The following FCHO1 variants were observed in gnomAD, a reference collection of about 807,000 sequenced individuals.
FCHO1 encodes FCH and mu domain containing endocytic adaptor 1.
In FCHO1, 45 loss-of-function variants were observed where a neutral mutation model predicts 114.4. The ratio of observed to expected loss-of-function variants is 0.39; its 90% confidence interval spans 0.31 to 0.50. The LOEUF is 0.50. FCHO1 is among the 20% of genes least tolerant of loss of function. FCHO1 has a pLI of 0.77. For synonymous variants in FCHO1, 480 were observed against 488.9 expected, an observed-to-expected ratio of 0.98 and a Z score of 0.24; for missense variants, 1,042 against 1,209.6, an observed-to-expected ratio of 0.86 and a Z score of 2.06.
At chr19:17,754,144 G>C (rs1206789103) in intron 1 of FCHO1, 173 bp from the exon 2 acceptor site, 1 of 152,214 alleles carries the variant, frequency 6.6e-6, no homozygotes, top group Admixed American at 6.5e-5. Context: ...CTGCCTGTGG[G>C]GTCATGAATT....
At position 17,770,592 on chromosome 19, in the gene FCHO1, G is replaced by C. The variant is rs914852424; in HGVS notation, c.489+15G>C. ...AGATGGACAAGGTGGGCTCACAGTG[G>C]GGGGGTTCTGAGGAATTTGCCGCGG... On this transcript the variant is annotated intron_variant, in intron 8 of 28. Transcript: ENST00000596536. 4.4e-6 allele frequency: 7 copies of C among 1,606,916 alleles called. No individual in the cohort carries two copies. The highest frequency in any genetic ancestry group is 4.5e-5 in the East Asian group (2 of 44,716).
At chr19:17,772,622 C>A in intron 10 of FCHO1, 23 bp from the exon 11 acceptor site, 1 of 1,613,716 alleles carries the variant, frequency 6.2e-7, no homozygotes, top group South Asian at 1.1e-5. Flanking sequence ...TGACCAGTTA[C>A]ACACCCCGCC....
In FCHO1 at chr19:17,764,370, C is replaced by T; in HGVS notation, c.120-5C>T. On this transcript the variant is annotated splice_region_variant and splice_polypyrimidine_tract_variant and intron_variant, in intron 5 of 28. Coordinates refer to ENST00000596536, the MANE Select transcript of FCHO1 (RefSeq NM_015122.3). ...TCTCCATCTTTACCTCATTCTCCTCCCCAGGGCCACCATCGAGGAGACCTA... is the reference window on the plus strand; with the variant it reads ...TCTCCATCTTTACCTCATTCTCCTCTCCAGGGCCACCATCGAGGAGACCTA... 6.2e-7 allele frequency: 1 copy of T among 1,613,608 alleles called. No individual in the cohort carries two copies. The highest frequency in any genetic ancestry group is 8.5e-7 in the Non-Finnish European group (1 of 1,179,900).
chr19:17,758,989 T>C (rs2084937720), intron 4 of FCHO1, among the ~76,000 whole-genome samples: 1 of 151,844 alleles, frequency 6.6e-6, no homozygotes, highest in Non-Finnish European at 1.5e-5. Context: ...TAGAAAAATA[T>C]GTATAACATT....
At chr19:17,781,879 G>C in intron 23 of FCHO1, 59 bp downstream of exon 23, 1 of 1,183,582 alleles carries the variant, frequency 8.4e-7, no homozygotes. Flanking sequence ...AGTCCAGCAG[G>C]GACAGCTTTC....
At chr19:17,750,273 CTT>C (rs1296687030), upstream of FCHO1, among the ~76,000 whole-genome samples, 4 of 152,112 alleles carry the variant, frequency 2.6e-5, no homozygotes, top group Non-Finnish European at 5.9e-5. Context: ...GCAGGGCTGA[CTT>C]CTCCATCAGA....
chr19:17,760,562 A>G (rs2085723441), intron 4 of FCHO1, among the ~76,000 whole-genome samples: 1 of 152,212 alleles, frequency 6.6e-6, no homozygotes, highest in Admixed American at 6.5e-5. Context: ...CAAATTTAAA[A>G]CAAATGCTAA....
rs751095231 is a variant in FCHO1 at position 17,778,671 on chromosome 19, G to C, written c.1414G>C (p.Val472Leu). 4 of 1,571,060 alleles carry C rather than the reference G, an allele frequency of 2.5e-6. No individual in the cohort carries two copies. In the South Asian group the frequency reaches 4.6e-5, roughly 18 times the overall value. ...SPFSSSSPEN[V>L]EDSGLDSPSH... is the part of the protein sequence containing the mutation. Reference sequence around the variant, plus strand: ...TTTCTCCTCCTCGTCGCCCGAAAACGTGGAGGATTCCGGCCTGGACTCTCC... The same window carrying C: ...TTTCTCCTCCTCGTCGCCCGAAAACCTGGAGGATTCCGGCCTGGACTCTCC... The change falls in exon 20 of 29, where the codon GTG becomes CTG. Residue 472 changes from valine to leucine, a missense_variant. This residue lies in a region of FCHO1 where 455 missense variants were observed against 455.4 expected (regional missense o/e 1.00). Coordinates refer to ENST00000596536, the MANE Select transcript of FCHO1 (RefSeq NM_015122.3).
In FCHO1 at chr19:17,775,318, G is replaced by A; in HGVS notation, c.946-138G>A. The A allele has an allele frequency of 1.1e-6, 1 of 929,416 alleles. No homozygotes were observed. The highest frequency in any genetic ancestry group is 1.7e-6 in the Non-Finnish European group (1 of 572,592). The allele number at this position is 929,416 out of a possible 1,614,324, so 57.6% of individuals were successfully genotyped here. Reference sequence around the variant, plus strand: ...CCAGGAACCTGCCCACACACCCAGGGAAGACAGTCGTTGCCATCAGGGTTG... The same window carrying A: ...CCAGGAACCTGCCCACACACCCAGGAAAGACAGTCGTTGCCATCAGGGTTG... On this transcript the variant is annotated intron_variant, in intron 14 of 28. Transcript: ENST00000596536. The surrounding 1 kb of genome is among the most constrained non-coding windows in gnomAD (Gnocchi z 5.1).
intron 11 of FCHO1, among the ~76,000 whole-genome samples, chr19:17,773,366 A>G (rs1202797044): frequency 1.3e-5 from 2 of 152,212 alleles, no homozygotes; most frequent in Non-Finnish European, 2.9e-5. Context: ...GGCACACAGT[A>G]GGCACTCACT....
In FCHO1 at chr19:17,778,652, C is replaced by T. The variant is rs775126716; in HGVS notation, c.1395C>T (p.Ser465=). ...LGFTSSPSPF[S]SSSPENVEDS... ...TCACCTCCAGCCCCTCCCCTTTCTC[C>T]TCCTCGTCGCCCGAAAACGTGGAGG... is the stretch of plus-strand genomic sequence containing the variant. Residue 465 remains serine (S), a synonymous_variant, in exon 20 of 29, where the codon TCC becomes TCT. Coordinates refer to ENST00000596536, the MANE Select transcript of FCHO1 (RefSeq NM_015122.3). 10 of 1,576,654 alleles carry T rather than the reference C, an allele frequency of 6.3e-6. No homozygotes were observed. Among genetic ancestry groups the T allele is most frequent in the Non-Finnish European group, 8.6e-6 (10 of 1,165,124 alleles).
chr19:17,748,933 C>T (rs2081275377), upstream of FCHO1, among the ~76,000 whole-genome samples: 1 of 152,350 alleles, frequency 6.6e-6, no homozygotes, highest in East Asian at 1.9e-4. Context: ...GACCCTCCCA[C>T]AGTGCCTTGC....
At position 17,776,144 on chromosome 19, in the gene FCHO1, C is replaced by T. The variant is rs1366625982; in HGVS notation, c.1165C>T (p.Leu389Phe). The T allele has an allele frequency of 3.7e-6, 6 of 1,613,800 alleles. No homozygotes were observed. Among genetic ancestry groups the T allele is most frequent in the Non-Finnish European group, 8.5e-7 (1 of 1,179,900 alleles). Residue 389 changes from leucine (L) to phenylalanine (F), a missense_variant, in exon 16 of 29, where the codon CTT becomes TTT. Physicochemically the swap from Leu to Phe is conservative, Grantham distance 22. This residue lies in a region of FCHO1 where 450 missense variants were observed against 564.1 expected (regional missense o/e 0.80). Coordinates refer to ENST00000596536, the MANE Select transcript of FCHO1 (RefSeq NM_015122.3). The surrounding 1 kb of genome is among the most constrained non-coding windows in gnomAD (Gnocchi z 4.4). ...CAGGGCCACCGCGGGCAGCCTCATC[C>T]TTCCTCCTGGCCCAGGGGTGAGGCG... ...QLRATAGSLI[L>F]PPGPGGTMKR...
chr19:17,778,009 A>G, intron 18 of FCHO1, 128 bp from the exon 19 acceptor site: 2 of 642,318 alleles, frequency 3.1e-6, no homozygotes, highest in East Asian at 5.5e-5. Flanking sequence ...ACTGCACTGC[A>G]GCCTGGCCGA....
intron 6 of FCHO1, among the ~76,000 whole-genome samples, chr19:17,764,995 C>T (rs529783168): frequency 1.4e-5 from 2 of 147,262 alleles, no homozygotes; most frequent in Admixed American, 7.0e-5. Flanking sequence ...ACCCAGGAGG[C>T]GGAGGTTGCA....
intron 3 of FCHO1, chr19:17,754,896 G>A (rs1003492546): frequency 6.1e-6 from 3 of 495,420 alleles, no homozygotes; most frequent in Non-Finnish European, 1.1e-5. Flanking sequence ...TTCTGACTCT[G>A]TGGAATTGGG....
At chr19:17,779,012 C>T (rs1000513296) in intron 20 of FCHO1, 128 bp downstream of exon 20, 32 of 1,000,472 alleles carry the variant, frequency 3.2e-5, no homozygotes, top group Non-Finnish European at 4.5e-5. Flanking sequence ...AACCTCCCAC[C>T]GTTGCAGGGA....
At chr19:17,751,129 C>T (rs977025014), upstream of FCHO1, among the ~76,000 whole-genome samples, 7 of 152,184 alleles carry the variant, frequency 4.6e-5, no homozygotes, top group South Asian at 6.2e-4. This position sits in a 1 kb window ranked among gnomAD's most constrained non-coding sequence, Gnocchi z 4.4. Context: ...CGTGAGCCAC[C>T]GCGCCTGGCC....
At chr19:17,752,361 T>C (rs1423095) in intron 1 of FCHO1, 140,175 of 152,074 alleles carry the variant, frequency 0.92, 65,121 homozygotes, top group Non-Finnish European at 0.99. Flanking sequence ...CAGGTTCAAG[T>C]GATTCTCCTG....
Sources: allele counts gnomAD v4.1 joint callset (sites outside exome capture counted in the v4.1 genomes callset), GRCh38; gene constraint gnomAD v4.1.1; regional missense constraint gnomAD v4.1.1; non-coding constraint Gnocchi (gnomAD v3.1); transcripts MANE v1.5; gene names NCBI Gene and HGNC (gene_info 2026-07-23, HGNC 2026-07-21).